Variants in PDE6C observed in about 807,000 individuals in gnomAD.
The protein encoded by PDE6C is phosphodiesterase 6C, also known as cone cGMP-specific 3',5'-cyclic phosphodiesterase subunit alpha'.
Under a neutral mutation model 113.1 loss-of-function variants are expected in PDE6C, and 75 were observed. The observed-to-expected ratio is 0.66, with a 90% CI of 0.55 to 0.80. The LOEUF (loss-of-function observed/expected upper bound fraction) is 0.80, where lower values mean the gene tolerates loss of function less well. PDE6C is among the 30% of genes least tolerant of loss of function. PDE6C has a pLI of 0.00. For synonymous variants in PDE6C, 375 were observed against 363.7 expected (o/e 1.03, Z -0.35); for missense variants, 912 against 1,038.6 (o/e 0.88, Z 1.67).
chr10:93,625,861 T>C (rs2058471008), intron 5 of PDE6C, among the ~76,000 whole-genome samples: 1 of 152,212 alleles, frequency 6.6e-6, no homozygotes, highest in South Asian at 2.1e-4. Flanking sequence ...CGTTTCCTTT[T>C]CTATAAAGCC....
chr10:93,615,115 A>AC (rs2058414090), intron 1 of PDE6C, among the ~76,000 whole-genome samples: 1 of 152,054 alleles, frequency 6.6e-6, no homozygotes, highest in African/African-American at 2.4e-5. Context: ...AACATGGGAA[A>AC]CCCCCGTCTC....
At chr10:93,637,950 C>A (rs1237926605) in intron 11 of PDE6C, among the ~76,000 whole-genome samples, 1 of 151,936 alleles carries the variant, frequency 6.6e-6, no homozygotes, top group African/African-American at 2.4e-5. Flanking sequence ...TTTCTTCTGG[C>A]AGGTGAGAGA....
chr10:93,629,424 G>T, intron 8 of PDE6C, 119 bp downstream of exon 8: 1 of 798,890 alleles, frequency 1.3e-6, no homozygotes, highest in Admixed American at 1.7e-5. Context: ...AGGCACACAC[G>T]GGTCCATCTC....
intron 14 of PDE6C, among the ~76,000 whole-genome samples, chr10:93,643,591 A>G (rs568537442): frequency 1.3e-5 from 2 of 151,616 alleles, no homozygotes; most frequent in African/African-American, 4.8e-5. Context: ...GGGCCTCCCT[A>G]TGTTGCCCAG....
rs186925120 is a variant in PDE6C, at chr10:93,660,528, C to T, written c.2208+1361C>T. Reference sequence around the variant, plus strand: ...TCAGGGGAAGGTCAGAAAATCCTTACCTGGTTTTATGACCTACTTCAGGGG... The same window carrying T: ...TCAGGGGAAGGTCAGAAAATCCTTATCTGGTTTTATGACCTACTTCAGGGG... On this transcript the variant is annotated intron_variant, in intron 18 of 21. Transcript: ENST00000371447. Among the ~76,000 whole-genome samples, 67 of 152,232 alleles carry T rather than the reference C, an allele frequency of 4.4e-4. 1 individual carries two copies. The highest frequency in any genetic ancestry group is 3.1e-3 in the South Asian group (15 of 4,814).
chr10:93,663,288 C>A, intron 21 of PDE6C, 110 bp downstream of exon 21: 2 of 1,032,502 alleles, frequency 1.9e-6, no homozygotes, highest in Non-Finnish European at 2.9e-6. Context: ...ACCTGCTTTA[C>A]TGGTGCAGAC....
rs2058635470 is a variant in PDE6C at position 93,655,853 on chromosome 10, T to C, written c.2029T>C (p.Tyr677His). 2 of 1,525,492 alleles carry C rather than the reference T, an allele frequency of 1.3e-6. No individual in the cohort carries two copies. 94.5% of individuals were successfully genotyped at this position (1,525,492 alleles called of 1,614,324 possible). Residue 677 changes from tyrosine (Y) to histidine (H), a missense_variant, in exon 16 of 22, where the codon TAT (tyrosine) becomes CAT (histidine). Transcript: ENST00000371447. ...VAIIATDLAL[Y>H]FKKRTMFQKI... is the part of the protein sequence containing the mutation. ...AATAATAGCAACTGACCTGGCTTTATATTTCAAGTAAGTACATAACTCTGC... is the reference window on the plus strand; with the variant it reads ...AATAATAGCAACTGACCTGGCTTTACATTTCAAGTAAGTACATAACTCTGC...
At chr10:93,655,684 C>T (rs559318084) in intron 15 of PDE6C, 76 bp from the exon 16 acceptor site, 40 of 571,980 alleles carry the variant, frequency 7.0e-5, no homozygotes, top group South Asian at 1.3e-4. Flanking sequence ...TTTAGATTTT[C>T]TTCTTGTTAA....
Position 93,634,755 on chromosome 10 carries a change from T to C in PDE6C, c.1120-3T>C. 6.2e-7 allele frequency: 1 copy of C among 1,614,046 alleles called. No homozygotes were observed. Among genetic ancestry groups the C allele is most frequent in the Non-Finnish European group, 8.5e-7 (1 of 1,179,930 alleles). ...ATAACTTGAGGTCCCTTCTCGTTTG[T>C]AGAAAGGACCTGTAGACGAAACTGG... On this transcript the variant is annotated splice_region_variant and splice_polypyrimidine_tract_variant and intron_variant, in intron 8 of 21. Coordinates refer to ENST00000371447, the MANE Select transcript of PDE6C (RefSeq NM_006204.4).
intron 4 of PDE6C, among the ~76,000 whole-genome samples, chr10:93,624,315 T>A (rs1477149724): frequency 6.6e-6 from 1 of 152,182 alleles, no homozygotes; most frequent in East Asian, 1.9e-4. Flanking sequence ...TGGCATGATC[T>A]TGGCTCACTG....
intron 18 of PDE6C, among the ~76,000 whole-genome samples, chr10:93,660,947 A>C (rs767909873): frequency 2.6e-5 from 4 of 152,112 alleles, no homozygotes; most frequent in Admixed American, 1.3e-4. Flanking sequence ...TCTACTCCTT[A>C]AAAGGCTCAT....
intron 16 of PDE6C, among the ~76,000 whole-genome samples, chr10:93,657,077 AAAGATATCACCGTCTG>A (rs1415447682): frequency 6.6e-6 from 1 of 152,112 alleles, no homozygotes. Flanking sequence ...CTTCTTCCAC[AAAGATATCACCGTCTG>A]ACGTTGATGT....
intron 1 of PDE6C, among the ~76,000 whole-genome samples, chr10:93,615,215 C>A (rs144768842): frequency 3.9e-5 from 6 of 152,252 alleles, no homozygotes; most frequent in African/African-American, 1.2e-4. Context: ...TGGCCTGAGT[C>A]TGGGAGGCCA....
intron 10 of PDE6C, among the ~76,000 whole-genome samples, chr10:93,636,613 A>G (rs1346618126): frequency 6.6e-6 from 1 of 152,042 alleles, no homozygotes; most frequent in East Asian, 1.9e-4. Context: ...CACCTCTTTA[A>G]AAAAACCAGC....
chr10:93,648,950 G>A (rs1286340196), intron 15 of PDE6C, among the ~76,000 whole-genome samples: 1 of 152,116 alleles, frequency 6.6e-6, no homozygotes, highest in African/African-American at 2.4e-5. Context: ...CTTGTGTACT[G>A]GCACTAGCAA....
intron 16 of PDE6C, 93 bp from the exon 17 acceptor site, chr10:93,658,808 G>A: frequency 1.3e-6 from 1 of 783,204 alleles, no homozygotes; most frequent in Non-Finnish European, 2.2e-6. Flanking sequence ...ACAATGCAAA[G>A]TGGGAACGTG....
intron 21 of PDE6C, among the ~76,000 whole-genome samples, chr10:93,664,354 GAAT>G: frequency 6.6e-6 from 1 of 152,346 alleles, no homozygotes; most frequent in Non-Finnish European, 1.5e-5. Flanking sequence ...CTTGGAGTAG[GAAT>G]AAGCTTGGTG....
At chr10:93,649,665 C>T (rs776814353) in intron 15 of PDE6C, among the ~76,000 whole-genome samples, 2 of 152,100 alleles carry the variant, frequency 1.3e-5, no homozygotes, top group Non-Finnish European at 2.9e-5. Context: ...AGTACAGTGG[C>T]GTGATCTCAA....
At chr10:93,623,739 G>A (rs908392553) in intron 4 of PDE6C, among the ~76,000 whole-genome samples, 18 of 152,206 alleles carry the variant, frequency 1.2e-4, no homozygotes, top group East Asian at 3.9e-4. Context: ...TTGCCTTTGC[G>A]CCTTTGTCCA....
Sources: allele counts gnomAD v4.1 joint callset (sites outside exome capture counted in the v4.1 genomes callset), GRCh38; gene constraint gnomAD v4.1.1; transcripts MANE v1.5; gene names NCBI Gene and HGNC (gene_info 2026-07-23, HGNC 2026-07-21).